The following PIGL variants were observed in gnomAD, a reference collection of about 807,000 sequenced individuals.
PIGL encodes the protein phosphatidylinositol glycan anchor biosynthesis class L.
A neutral mutation model predicts 31.1 loss-of-function variants in PIGL; 22 were observed. The ratio of observed to expected loss-of-function variants is 0.71; its 90% confidence interval spans 0.51 to 1.01. The LOEUF is 1.01. Ranked by LOEUF, PIGL falls within the 50% of genes least tolerant of loss-of-function variation. PIGL has a pLI of 0.00. For synonymous variants in PIGL, 131 were observed against 117.4 expected, an observed-to-expected ratio of 1.12 and a Z score of -0.75; for missense variants, 302 against 315.9, an observed-to-expected ratio of 0.96 and a Z score of 0.33.
chr17:16,241,114 CA>C (rs35578509), intron 2 of PIGL, among the ~76,000 whole-genome samples: 802 of 52,982 alleles, frequency 0.015, 3 homozygotes, highest in Middle Eastern at 0.017. Context: ...AACTCCCTCT[CA>C]AAAAAAAAAA....
At chr17:16,325,237 C>T (rs761249817) in intron 6 of PIGL, among the ~76,000 whole-genome samples, 3 of 147,656 alleles carry the variant, frequency 2.0e-5, no homozygotes, top group African/African-American at 5.0e-5. Flanking sequence ...CCCAGCTACT[C>T]GGAAGGCTGA....
intron 1 of PIGL, among the ~76,000 whole-genome samples, chr17:16,231,074 T>C (rs12452518): frequency 0.3 from 38,539 of 129,820 alleles, 6,688 homozygotes; most frequent in East Asian, 0.7. Context: ...TTTCTTTTTT[T>C]TTTTTTTTTT....
chr17:16,217,630 C>CACAATTCAA, intron 1 of PIGL, 169 bp downstream of exon 1: 6 of 540,662 alleles, frequency 1.1e-5, no homozygotes, highest in Admixed American at 3.5e-5. Context: ...GGCCGGCTTA[C>CACAATTCAA]CTGGTGGGTT....
Position 16,325,983 on chromosome 17 carries a change from T to C in PIGL, c.*85T>C, listed in dbSNP as rs1402918401. 1.0e-6 allele frequency: 1 copy of C among 981,820 alleles called. No homozygotes were observed. The allele number at this position is 981,820 out of a possible 1,614,324, so 60.8% of individuals were successfully genotyped here. ...GGACCTGGCCTGGCACTGGCTTATT[T>C]ACCTGAGCTCAAGGAGATCCCCGCT... On this transcript the variant is annotated 3_prime_UTR_variant, in exon 7 of 7. Coordinates refer to ENST00000225609, the MANE Select transcript of PIGL (RefSeq NM_004278.4).
At chr17:16,261,074 A>T (rs911315302) in intron 2 of PIGL, among the ~76,000 whole-genome samples, 1 of 151,114 alleles carries the variant, frequency 6.6e-6, no homozygotes, top group African/African-American at 2.4e-5. Context: ...AGCCAAGATC[A>T]TGCTACTGCA....
chr17:16,288,573 C>G (rs1227672119), intron 2 of PIGL, among the ~76,000 whole-genome samples: 1 of 148,402 alleles, frequency 6.7e-6, no homozygotes, highest in African/African-American at 2.5e-5. Flanking sequence ...GAGTTTCGCT[C>G]TTGTTGCCCA....
Position 16,222,103 on chromosome 17 carries a change from A to T in PIGL, c.235+4642A>T, listed in dbSNP as rs528005996. On this transcript the variant is annotated intron_variant, in intron 1 of 6. Coordinates refer to ENST00000225609, the MANE Select transcript of PIGL (RefSeq NM_004278.4). ...AGTCATTCAAACGTGTGGATTAAAC[A>T]TTATCTATTCTGCTGATTTAACATT... Among the ~76,000 whole-genome samples, 8 of 152,244 alleles carry T rather than the reference A, an allele frequency of 5.3e-5. No individual in the cohort carries two copies. In the East Asian group the frequency reaches 1.5e-3, roughly 29 times the overall value.
chr17:16,258,125 AAGAG>A (rs1205962442), intron 2 of PIGL, among the ~76,000 whole-genome samples: 1 of 90,018 alleles, frequency 1.1e-5, no homozygotes, highest in East Asian at 3.1e-4. Flanking sequence ...GAGAGAGAGA[AAGAG>A]AGAGAGAGAA....
chr17:16,305,925 A>G (rs2093024219), intron 3 of PIGL, among the ~76,000 whole-genome samples: 1 of 152,164 alleles, frequency 6.6e-6, no homozygotes, highest in Non-Finnish European at 1.5e-5. Flanking sequence ...CTGGGGCTAC[A>G]GGTGCACGCT....
intron 1 of PIGL, among the ~76,000 whole-genome samples, chr17:16,223,988 G>A (rs1042820398): frequency 3.3e-5 from 5 of 152,124 alleles, no homozygotes; most frequent in Admixed American, 1.3e-4. Context: ...AGACAGAGAC[G>A]GGTGGATCAC....
intron 2 of PIGL, among the ~76,000 whole-genome samples, chr17:16,258,294 C>T (rs961867066): frequency 1.3e-5 from 2 of 148,938 alleles, no homozygotes; most frequent in African/African-American, 2.5e-5. Context: ...ATTCTTCTGC[C>T]TCTGCCTCCC....
intron 2 of PIGL, among the ~76,000 whole-genome samples, chr17:16,289,344 A>T (rs906853173): frequency 2.0e-5 from 3 of 152,270 alleles, no homozygotes; most frequent in Non-Finnish European, 4.4e-5. Context: ...ATCTCTAGTT[A>T]TCTTCGTCCT....
chr17:16,254,765 C>T (rs960116248), intron 2 of PIGL, among the ~76,000 whole-genome samples: 4 of 151,896 alleles, frequency 2.6e-5, no homozygotes, highest in Non-Finnish European at 5.9e-5. Flanking sequence ...CCACCACGTC[C>T]GGCTAATTTT....
At chr17:16,242,076 G>A (rs2092725477) in intron 2 of PIGL, among the ~76,000 whole-genome samples, 1 of 150,882 alleles carries the variant, frequency 6.6e-6, no homozygotes, top group Non-Finnish European at 1.5e-5. Context: ...GTTTGTTTTT[G>A]GAGACAAGGT....
intron 2 of PIGL, among the ~76,000 whole-genome samples, chr17:16,237,199 C>G (rs746854528): frequency 8.0e-5 from 12 of 149,374 alleles, no homozygotes; most frequent in Admixed American, 2.0e-4. Context: ...CGTCCGCCAC[C>G]TGAGCTAAAG....
At chr17:16,217,610 G>T in intron 1 of PIGL, 149 bp downstream of exon 1, 1 of 614,876 alleles carries the variant, frequency 1.6e-6, no homozygotes, top group Non-Finnish European at 2.8e-6. Context: ...CACAGCCTAG[G>T]GACAGGAGCG....
intron 2 of PIGL, among the ~76,000 whole-genome samples, chr17:16,235,283 C>T (rs1239054102): frequency 6.6e-6 from 1 of 152,102 alleles, no homozygotes; most frequent in Admixed American, 6.6e-5. Flanking sequence ...ATCAGGATTT[C>T]GACAAGGACC....
intron 2 of PIGL, among the ~76,000 whole-genome samples, chr17:16,244,672 T>C (rs796635909): frequency 2.6e-5 from 4 of 152,182 alleles, no homozygotes; most frequent in African/African-American, 9.6e-5. Context: ...GGGGAGTTTT[T>C]GGTTTTTGTT....
intron 2 of PIGL, among the ~76,000 whole-genome samples, chr17:16,268,815 T>A (rs919737385): frequency 6.6e-6 from 1 of 151,362 alleles, no homozygotes; most frequent in East Asian, 1.9e-4. Context: ...CAGGCTGGAG[T>A]GCAGTGGCGC....
Sources: allele counts gnomAD v4.1 joint callset (sites outside exome capture counted in the v4.1 genomes callset), GRCh38; gene constraint gnomAD v4.1.1; transcripts MANE v1.5; gene names NCBI Gene and HGNC (gene_info 2026-07-23, HGNC 2026-07-21).